Variants in ITGB5 observed in about 807,000 individuals in gnomAD.
ITGB5 encodes the protein integrin beta-5.
ITGB5 carries 38 observed loss-of-function variants against 84.8 expected under a neutral mutation model. That is an observed-to-expected ratio of 0.45 (90% CI 0.35 to 0.59). The LOEUF (loss-of-function observed/expected upper bound fraction) is 0.59. Among genes scored for constraint, ITGB5 ranks in the 20% least tolerant of loss-of-function variants. ITGB5 has a pLI of 0.01. For missense variants in ITGB5, 905 were observed against 1,034.5 expected (o/e 0.87, Z 1.72); for synonymous variants, 393 against 414.4 (o/e 0.95, Z 0.63).
At chr3:124,897,157 T>C (rs1390134015) in intron 1 of ITGB5, among the ~76,000 whole-genome samples, 2 of 152,250 alleles carry the variant, frequency 1.3e-5, no homozygotes, top group African/African-American at 4.8e-5. Flanking sequence ...ATTTGTCTTT[T>C]GATACCCCGC....
At chr3:124,886,546 G>A (rs2107655823) in intron 1 of ITGB5, among the ~76,000 whole-genome samples, 1 of 152,234 alleles carries the variant, frequency 6.6e-6, no homozygotes, top group Non-Finnish European at 1.5e-5. Flanking sequence ...CCCCCCAGCA[G>A]CCCGCCCGCT....
In ITGB5 at chr3:124,763,723, A is replaced by G; in HGVS notation, c.2305-5T>C. The G allele has an allele frequency of 9.0e-6, 14 of 1,562,418 alleles. No homozygotes were observed. Among genetic ancestry groups the G allele is most frequent in the Non-Finnish European group, 1.1e-5 (13 of 1,133,068 alleles). On this transcript the variant is annotated splice_polypyrimidine_tract_variant and splice_region_variant and intron_variant, in intron 14 of 14. Transcript: ENST00000296181. ...TCTGTATAATGGATTTGAAGCCTAC[A>G]GAACACGGCGGGGAAGAGGATGAGG...
chr3:124,783,647 T>C (rs2064038630), intron 10 of ITGB5, among the ~76,000 whole-genome samples: 1 of 152,228 alleles, frequency 6.6e-6, no homozygotes, highest in South Asian at 2.1e-4. Context: ...TATTGATACC[T>C]GAAGAACTTA....
intron 1 of ITGB5, among the ~76,000 whole-genome samples, chr3:124,877,805 A>G (rs4502626): frequency 0.16 from 25,060 of 151,902 alleles, 2,311 homozygotes; most frequent in South Asian, 0.22. Flanking sequence ...TCAGAAAGGA[A>G]TTTGAGGTCA....
At chr3:124,879,129 C>A (rs992700196) in intron 1 of ITGB5, among the ~76,000 whole-genome samples, 1 of 152,174 alleles carries the variant, frequency 6.6e-6, no homozygotes, top group African/African-American at 2.4e-5. Flanking sequence ...AAATGTTTAT[C>A]CTAAGCCAAC....
chr3:124,898,107 G>A (rs1935143594), intron 1 of ITGB5, among the ~76,000 whole-genome samples: 1 of 152,160 alleles, frequency 6.6e-6, no homozygotes, highest in Non-Finnish European at 1.5e-5. Context: ...TATGGGGGTA[G>A]GGGTAGGGGG....
intron 12 of ITGB5, among the ~76,000 whole-genome samples, chr3:124,768,712 C>T (rs574149157): frequency 3.3e-5 from 5 of 152,296 alleles, no homozygotes; most frequent in South Asian, 4.1e-4. Context: ...CATTTTTGTA[C>T]GTATTTTTAC....
chr3:124,793,837 C>G (rs926283118), intron 10 of ITGB5, among the ~76,000 whole-genome samples: 1 of 152,242 alleles, frequency 6.6e-6, no homozygotes, highest in Non-Finnish European at 1.5e-5. Flanking sequence ...CTTTACTCTG[C>G]AATGACACTG....
intron 12 of ITGB5, among the ~76,000 whole-genome samples, chr3:124,766,990 G>A (rs893336552): frequency 6.6e-5 from 10 of 152,338 alleles, no homozygotes; most frequent in Admixed American, 4.6e-4. Context: ...CCTTCCTCAA[G>A]CTGCCTCAGC....
Position 124,859,239 on chromosome 3 carries a change from C to T in ITGB5, c.361+3G>A, listed in dbSNP as rs1325532570. ...CATCCAGCCCTTTCTGTGGGCAACT[C>T]ACCGGGCCGGAGGTTCACGGCAATC... On this transcript the variant is annotated splice_donor_region_variant and intron_variant, in intron 3 of 14. Coordinates refer to ENST00000296181, the MANE Select transcript of ITGB5 (RefSeq NM_002213.5). 8 of 1,612,978 alleles carry T rather than the reference C, an allele frequency of 5.0e-6. No homozygotes were observed. The highest frequency in any genetic ancestry group is 6.8e-6 in the Non-Finnish European group (8 of 1,179,344).
intron 2 of ITGB5, among the ~76,000 whole-genome samples, chr3:124,872,382 C>T (rs1286120890): frequency 6.6e-6 from 1 of 152,056 alleles, no homozygotes; most frequent in African/African-American, 2.4e-5. Flanking sequence ...ATTACACCCA[C>T]CTGACAGAGC....
At position 124,784,304 on chromosome 3, in the gene ITGB5, A is replaced by T. The variant is rs559658145; in HGVS notation, c.1694-10392T>A. Among the ~76,000 whole-genome samples the T allele has an allele frequency of 3.3e-5, 5 of 152,166 alleles. No individual in the cohort carries two copies. In the South Asian group the frequency reaches 6.2e-4, roughly 19 times the overall value. On this transcript the variant is annotated intron_variant, in intron 10 of 14. Coordinates refer to ENST00000296181, the MANE Select transcript of ITGB5 (RefSeq NM_002213.5). ...GAGGTGGGAGGATCCCTTGAGTTGTAGACCAGCCTGGGCAAAACAGTGAGA... is the reference window on the plus strand; with the variant it reads ...GAGGTGGGAGGATCCCTTGAGTTGTTGACCAGCCTGGGCAAAACAGTGAGA...
At chr3:124,819,152 T>C (rs1300762874) in intron 7 of ITGB5, among the ~76,000 whole-genome samples, 1 of 152,206 alleles carries the variant, frequency 6.6e-6, no homozygotes, top group Non-Finnish European at 1.5e-5. Context: ...GACTGCTCTA[T>C]TCACTCAGGA....
intron 11 of ITGB5, among the ~76,000 whole-genome samples, chr3:124,773,240 G>C (rs904902958): frequency 6.6e-6 from 1 of 152,104 alleles, no homozygotes; most frequent in African/African-American, 2.4e-5. Context: ...ATGTTTGTCA[G>C]CATTTCCCAT....
intron 11 of ITGB5, among the ~76,000 whole-genome samples, chr3:124,773,182 C>T (rs2063873018): frequency 6.6e-6 from 1 of 152,186 alleles, no homozygotes; most frequent in Non-Finnish European, 1.5e-5. Context: ...GCTGGGATTA[C>T]AGGTGTGAGC....
intron 2 of ITGB5, among the ~76,000 whole-genome samples, chr3:124,861,112 C>T (rs570144922): frequency 2.6e-5 from 4 of 151,964 alleles, no homozygotes; most frequent in Admixed American, 6.6e-5. Context: ...GTCAAGAAGA[C>T]GCTGCAGTGT....
intron 12 of ITGB5, 58 bp downstream of exon 12, chr3:124,768,955 C>A (rs993905875): frequency 7.2e-7 from 1 of 1,381,712 alleles, no homozygotes; most frequent in Non-Finnish European, 1.0e-6. Context: ...GCTAAAACTA[C>A]CCTCCTCCCC....
chr3:124,887,116 G>T lies in ITGB5; in HGVS notation c.-116C>A. On this transcript the variant is annotated 5_prime_UTR_variant, in exon 1 of 15. Transcript: ENST00000296181. Reference sequence around the variant, plus strand: ...CGGGGGCCGCAGCCGCATGCCCCGCGCGCAGCTCCGGCTCACGGCGCCCGC... The same window carrying T: ...CGGGGGCCGCAGCCGCATGCCCCGCTCGCAGCTCCGGCTCACGGCGCCCGC... 4.6e-6 allele frequency: 1 copy of T among 217,686 alleles called. No homozygotes were observed. Among genetic ancestry groups the T allele is most frequent in the Non-Finnish European group, 7.7e-6 (1 of 130,446 alleles). The allele number at this position is 217,686 out of a possible 1,614,324, so 13.5% of individuals were successfully genotyped here.
chr3:124,784,203 A>T (rs1302145714), intron 10 of ITGB5, among the ~76,000 whole-genome samples: 2 of 152,228 alleles, frequency 1.3e-5, no homozygotes, highest in Non-Finnish European at 2.9e-5. Context: ...TTCTGGTCTT[A>T]GCCACCTGAT....
Sources: allele counts gnomAD v4.1 joint callset (sites outside exome capture counted in the v4.1 genomes callset), GRCh38; gene constraint gnomAD v4.1.1; transcripts MANE v1.5; gene names NCBI Gene and HGNC (gene_info 2026-07-23, HGNC 2026-07-21).